Variants in TBC1D22A observed in about 807,000 individuals in gnomAD.
TBC1D22A encodes putative GTPase activator.
In TBC1D22A, 38 loss-of-function variants were observed where a neutral mutation model predicts 60.2. The ratio of observed to expected loss-of-function variants is 0.63; its 90% CI spans 0.49 to 0.83. The LOEUF (loss-of-function observed/expected upper bound fraction) is 0.83, where lower values mean the gene tolerates loss of function less well. Among genes scored for constraint, TBC1D22A ranks in the 40% least tolerant of loss-of-function variants. The probability of loss-of-function intolerance (pLI) is 0.00; values close to 1 mark genes in which losing one functional copy is unlikely to be tolerated. For synonymous variants in TBC1D22A, 302 were observed against 281.7 expected (o/e 1.07, Z -0.72); for missense variants, 628 against 701.0 (o/e 0.90, Z 1.18).
chr22:47,010,060 C>T (rs1450817942), intron 10 of TBC1D22A, among the ~76,000 whole-genome samples: 3 of 152,224 alleles, frequency 2.0e-5, no homozygotes, highest in Admixed American at 1.3e-4. Flanking sequence ...GTGTGGGAAA[C>T]GGCTTTATGT....
At chr22:46,936,567 A>C (rs761627367) in intron 8 of TBC1D22A, among the ~76,000 whole-genome samples, 20 of 152,280 alleles carry the variant, frequency 1.3e-4, no homozygotes, top group African/African-American at 4.8e-4. Flanking sequence ...TTTGGCGGAC[A>C]GCCTGACAAG....
chr22:46,865,691 A>C (rs893224481), intron 4 of TBC1D22A, among the ~76,000 whole-genome samples: 1 of 152,136 alleles, frequency 6.6e-6, no homozygotes, highest in South Asian at 2.1e-4. Context: ...GGGTAATAAG[A>C]CCACACGTGT....
At chr22:47,063,916 C>T (rs184988360) in intron 11 of TBC1D22A, among the ~76,000 whole-genome samples, 1 of 151,776 alleles carries the variant, frequency 6.6e-6, no homozygotes, top group Non-Finnish European at 1.5e-5. Flanking sequence ...GTGAGGACAC[C>T]CATCGTTGGA....
At chr22:47,031,756 G>A (rs141454249) in intron 10 of TBC1D22A, among the ~76,000 whole-genome samples, 9 of 152,298 alleles carry the variant, frequency 5.9e-5, no homozygotes, top group Non-Finnish European at 1.3e-4. Context: ...GGTCCCCAGG[G>A]TGTGAGGTGT....
chr22:46,999,821 C>T lies in TBC1D22A; in HGVS notation c.1201+2112C>T, dbSNP rs993426725. Among the ~76,000 whole-genome samples, 13 of 152,116 alleles carry T rather than the reference C, an allele frequency of 8.5e-5. No individual in the cohort carries two copies. The Middle Eastern group carries it at 0.01, about 119-fold the overall frequency. ...CAGGCGGATCACGAGGTCAGGAGAT[C>T]GAGACCATCCTGGTTAACATGGTGA... On this transcript the variant is annotated intron_variant, in intron 10 of 12. Transcript: ENST00000337137.
chr22:46,842,770 C>T (rs760069301), intron 4 of TBC1D22A, among the ~76,000 whole-genome samples: 17 of 152,306 alleles, frequency 1.1e-4, no homozygotes, highest in African/African-American at 3.8e-4. Flanking sequence ...CGGGCAGCTT[C>T]GGGAGATGAG....
chr22:46,788,609 T>A (rs1276222440), intron 1 of TBC1D22A, among the ~76,000 whole-genome samples: 1 of 152,234 alleles, frequency 6.6e-6, no homozygotes, highest in Non-Finnish European at 1.5e-5. Context: ...AGGGCGTCTG[T>A]GTCCTCAGCA....
intron 1 of TBC1D22A, among the ~76,000 whole-genome samples, chr22:46,784,147 G>A (rs1349468351): frequency 1.3e-5 from 2 of 152,166 alleles, no homozygotes; most frequent in African/African-American, 2.4e-5. Flanking sequence ...CTGGGCTCAT[G>A]TGATCCATCT....
In TBC1D22A at chr22:46,870,619, AGAGTG is replaced by A. The variant is rs1293347585; in HGVS notation, c.638-8031_638-8027del. Among the ~76,000 whole-genome samples, 63 of 152,360 alleles carry A rather than the reference AGAGTG, an allele frequency of 4.1e-4. 1 individual carries two copies. Among genetic ancestry groups the A allele is most frequent in the South Asian group, 6.2e-4 (3 of 4,830 alleles). On this transcript the variant is annotated intron_variant, in intron 4 of 12. Transcript: ENST00000337137. Reference sequence around the variant, plus strand: ...TCATGTTGTTCTAACAGAATACCACAGAGTGGATAATCTGTAAGCAACAGAAATTC... The same window carrying A: ...TCATGTTGTTCTAACAGAATACCACAGATAATCTGTAAGCAACAGAAATTC...
chr22:46,920,829 C>G (rs1007065629), intron 8 of TBC1D22A, among the ~76,000 whole-genome samples: 18 of 150,920 alleles, frequency 1.2e-4, no homozygotes, highest in Non-Finnish European at 2.2e-4. Flanking sequence ...GGAGTGCAGT[C>G]GTGCGATATC....
At chr22:46,950,533 GCTTTAGGGCCCACTGGTT>G (rs1415297176) in intron 8 of TBC1D22A, among the ~76,000 whole-genome samples, 5 of 152,328 alleles carry the variant, frequency 3.3e-5, no homozygotes, top group Non-Finnish European at 7.3e-5. Context: ...CTGGATGGAG[GCTTTAGGGCCCACTGGTT>G]CCCACTTTCC....
intron 12 of TBC1D22A, among the ~76,000 whole-genome samples, chr22:47,125,136 G>A (rs1039863888): frequency 4.6e-5 from 7 of 152,096 alleles, no homozygotes; most frequent in African/African-American, 1.7e-4. Context: ...GGCAAGGGGC[G>A]ACATCTCTGC....
intron 11 of TBC1D22A, among the ~76,000 whole-genome samples, chr22:47,093,613 T>C (rs1049037614): frequency 1.2e-4 from 19 of 152,172 alleles, no homozygotes; most frequent in Admixed American, 5.2e-4. Flanking sequence ...TTTAAACCAG[T>C]CAATTGGTAT....
chr22:47,109,783 T>C (rs1310109832), intron 11 of TBC1D22A, among the ~76,000 whole-genome samples: 1 of 152,078 alleles, frequency 6.6e-6, no homozygotes, highest in African/African-American at 2.4e-5. Flanking sequence ...CGCGTTGGTG[T>C]GTTTTTTCTG....
At chr22:47,010,440 C>T (rs1043609715) in intron 10 of TBC1D22A, among the ~76,000 whole-genome samples, 5 of 152,186 alleles carry the variant, frequency 3.3e-5, no homozygotes, top group African/African-American at 9.7e-5. Flanking sequence ...ATTGGCAAGG[C>T]ACATGCGTAA....
intron 5 of TBC1D22A, 39 bp downstream of exon 5, chr22:46,878,762 G>A (rs1445536656): frequency 6.3e-6 from 10 of 1,598,920 alleles, no homozygotes; most frequent in Non-Finnish European, 8.6e-6. Context: ...CCTCCTTCCT[G>A]TGCACAGGGA....
At chr22:47,139,469 G>A (rs2066999639) in intron 12 of TBC1D22A, among the ~76,000 whole-genome samples, 1 of 152,202 alleles carries the variant, frequency 6.6e-6, no homozygotes, top group East Asian at 1.9e-4. Context: ...GGCTGGTCGG[G>A]GCGGCCTCAA....
At chr22:46,888,637 A>C (rs1218965316) in intron 5 of TBC1D22A, among the ~76,000 whole-genome samples, 1 of 152,216 alleles carries the variant, frequency 6.6e-6, no homozygotes, top group Non-Finnish European at 1.5e-5. Flanking sequence ...TGACCACTGG[A>C]GACACTTGAG....
At chr22:47,015,964 C>G (rs2061898815) in intron 10 of TBC1D22A, among the ~76,000 whole-genome samples, 1 of 152,316 alleles carries the variant, frequency 6.6e-6, no homozygotes, top group Non-Finnish European at 1.5e-5. Flanking sequence ...AGCCCCCTAC[C>G]TGGTCTCCTT....
Sources: allele counts gnomAD v4.1 joint callset (sites outside exome capture counted in the v4.1 genomes callset), GRCh38; gene constraint gnomAD v4.1.1; transcripts MANE v1.5; gene names NCBI Gene and HGNC (gene_info 2026-07-23, HGNC 2026-07-21).